The following CAMTA1 variants were observed in gnomAD, a reference collection of about 807,000 sequenced individuals.
The protein encoded by CAMTA1 is calmodulin-binding transcription activator 1.
In CAMTA1, 27 loss-of-function variants were observed where a neutral mutation model predicts 170.9. The ratio of observed to expected loss-of-function variants is 0.16; its 90% CI spans 0.12 to 0.22. The LOEUF (loss-of-function observed/expected upper bound fraction) is 0.22. Among genes scored for constraint, CAMTA1 ranks in the 10% least tolerant of loss-of-function variants. The pLI is 1.00. For missense variants in CAMTA1, 1,619 were observed against 2,217.2 expected (o/e 0.73, Z 5.42); for synonymous variants, 833 against 891.5 (o/e 0.93, Z 1.17).
chr1:7,400,149 G>C (rs1214762010), intron 5 of CAMTA1, among the ~76,000 whole-genome samples: 1 of 152,102 alleles, frequency 6.6e-6, no homozygotes, highest in Non-Finnish European at 1.5e-5. Flanking sequence ...AGTCCTATAA[G>C]CTTTGTTTAC....
chr1:7,626,376 G>C (rs1053239717), intron 6 of CAMTA1, among the ~76,000 whole-genome samples: 1 of 152,160 alleles, frequency 6.6e-6, no homozygotes, highest in African/African-American at 2.4e-5. Flanking sequence ...GCAGAGGAAG[G>C]GTGGCCCCAT....
chr1:7,482,845 G>A lies in CAMTA1; in HGVS notation c.510+14944G>A, dbSNP rs569123391. ...CAGAGGAGGTGGCATTGGGGTGCAGGCGTCTCCTGTGGAAAGTCCCCAGCT... is the reference window on the plus strand; with the variant it reads ...CAGAGGAGGTGGCATTGGGGTGCAGACGTCTCCTGTGGAAAGTCCCCAGCT... On this transcript the variant is annotated intron_variant, in intron 6 of 22. Transcript: ENST00000303635. This position sits in a 1 kb window ranked among gnomAD's most constrained non-coding sequence, Gnocchi z 4.2. 4.6e-5 allele frequency among the ~76,000 whole-genome samples: 7 copies of A among 152,276 alleles called. No individual in the cohort carries two copies. In the South Asian group the frequency reaches 1.5e-3, roughly 32 times the overall value.
intron 10 of CAMTA1, among the ~76,000 whole-genome samples, chr1:7,672,812 T>C (rs574620109): frequency 3.0e-4 from 46 of 152,122 alleles, no homozygotes; most frequent in Admixed American, 2.0e-3. Context: ...CAGCACCATC[T>C]TCCCCAAAAA....
At position 7,588,485 on chromosome 1, in the gene CAMTA1, C is replaced by T. The variant is rs1338581799; in HGVS notation, c.511-51915C>T. Among the ~76,000 whole-genome samples the T allele has an allele frequency of 6.6e-6, 1 of 152,246 alleles. No individual in the cohort carries two copies. Among genetic ancestry groups the T allele is most frequent in the Admixed American group, 6.5e-5 (1 of 15,290 alleles). On this transcript the variant is annotated intron_variant, in intron 6 of 22. Coordinates refer to ENST00000303635, the MANE Select transcript of CAMTA1 (RefSeq NM_015215.4). The surrounding 1 kb of genome is among the most constrained non-coding windows in gnomAD (Gnocchi z 5.8). ...TCAAAACCCTCACCATTGCCATCAC[C>T]ACCTCCATTTGACAGCTGAGCTGAA... is the stretch of plus-strand genomic sequence containing the variant.
chr1:7,241,037 A>G lies in CAMTA1; in HGVS notation c.303-8454A>G, dbSNP rs187590540. 1.1e-4 allele frequency among the ~76,000 whole-genome samples: 17 copies of G among 152,310 alleles called. No individual in the cohort carries two copies. In the East Asian group the frequency reaches 3.3e-3, roughly 29 times the overall value. ...ACAGGTGACTTAATTATATATGTAAACTATCCTAAAGAATCTACAAAAAAA... is the reference window on the plus strand; with the variant it reads ...ACAGGTGACTTAATTATATATGTAAGCTATCCTAAAGAATCTACAAAAAAA... On this transcript the variant is annotated intron_variant, in intron 4 of 22. Transcript: ENST00000303635.
chr1:7,725,834 A>G (rs1236134827), intron 11 of CAMTA1, among the ~76,000 whole-genome samples: 1 of 152,214 alleles, frequency 6.6e-6, no homozygotes, highest in Non-Finnish European at 1.5e-5. Flanking sequence ...TCTGGTCTAG[A>G]GGAATGGTCA....
intron 12 of CAMTA1, among the ~76,000 whole-genome samples, chr1:7,733,987 C>CGACA (rs2096752437): frequency 6.6e-6 from 1 of 152,080 alleles, no homozygotes; most frequent in African/African-American, 2.4e-5. Context: ...CTTGCTCTGT[C>CGACA]GCCCAGGTGC....
intron 3 of CAMTA1, among the ~76,000 whole-genome samples, chr1:6,931,501 G>A (rs1049527132): frequency 1.3e-5 from 2 of 152,104 alleles, no homozygotes; most frequent in East Asian, 1.9e-4. Flanking sequence ...AAAGAATCAC[G>A]CAGATGATAA....
At chr1:6,880,138 G>T (rs916227569) in intron 3 of CAMTA1, among the ~76,000 whole-genome samples, 2 of 151,650 alleles carry the variant, frequency 1.3e-5, no homozygotes, top group African/African-American at 2.4e-5. Context: ...CTGTTGTCCA[G>T]CCTGGAGTTC....
chr1:7,623,243 T>C (rs1188252263), intron 6 of CAMTA1, among the ~76,000 whole-genome samples: 1 of 152,164 alleles, frequency 6.6e-6, no homozygotes, highest in Non-Finnish European at 1.5e-5. Flanking sequence ...CCTGGTATCT[T>C]GTGGTTCTTG....
chr1:7,688,591 T>A (rs2096278373), intron 11 of CAMTA1, among the ~76,000 whole-genome samples: 1 of 152,078 alleles, frequency 6.6e-6, no homozygotes, highest in African/African-American at 2.4e-5. Context: ...AAGACACAAG[T>A]GCTGGTTGGG....
chr1:7,417,097 C>T (rs1475721535), intron 5 of CAMTA1, among the ~76,000 whole-genome samples: 2 of 130,120 alleles, frequency 1.5e-5, no homozygotes, highest in East Asian at 2.1e-4. Flanking sequence ...AGCAGATTTT[C>T]GTGAACCGCA....
chr1:7,470,783 G>A (rs558470577), intron 6 of CAMTA1, among the ~76,000 whole-genome samples: 4 of 152,336 alleles, frequency 2.6e-5, no homozygotes, highest in Admixed American at 1.3e-4. Flanking sequence ...GCCTCCTGCC[G>A]GCCCACTGTG....
chr1:7,548,678 A>T (rs1315164410), intron 6 of CAMTA1, among the ~76,000 whole-genome samples: 1 of 91,558 alleles, frequency 1.1e-5, no homozygotes, highest in African/African-American at 4.0e-5. Context: ...GGAGATGCCC[A>T]TGGAAGGTGC....
chr1:6,803,139 A>G (rs1351003645), intron 1 of CAMTA1, among the ~76,000 whole-genome samples: 1 of 152,208 alleles, frequency 6.6e-6, no homozygotes, highest in Non-Finnish European at 1.5e-5. Context: ...TCTCAGGTGG[A>G]ATCAGGCAGT....
chr1:6,934,590 A>G lies in CAMTA1; in HGVS notation c.234+109380A>G, dbSNP rs1170153267. ...CTGTGTGTTGCTGGCTGTGACAGGTACTGTGGAATCCTTGCCTTCCAGGGG... is the reference window on the plus strand; with the variant it reads ...CTGTGTGTTGCTGGCTGTGACAGGTGCTGTGGAATCCTTGCCTTCCAGGGG... On this transcript the variant is annotated intron_variant, in intron 3 of 22. Transcript: ENST00000303635. This position sits in a 1 kb window ranked among gnomAD's most constrained non-coding sequence, Gnocchi z 4.5. Among the ~76,000 whole-genome samples, 1 of 152,104 alleles carries G rather than the reference A, an allele frequency of 6.6e-6. No homozygotes were observed. The highest frequency in any genetic ancestry group is 6.5e-5 in the Admixed American group (1 of 15,274).
chr1:7,664,327 G>A lies in CAMTA1; in HGVS notation c.1780G>A (p.Asp594Asn). The A allele has an allele frequency of 6.2e-7, 1 of 1,613,462 alleles. No individual in the cohort carries two copies. Among genetic ancestry groups the A allele is most frequent in the Non-Finnish European group, 8.5e-7 (1 of 1,180,010 alleles). The change falls in exon 9 of 23, where the codon GAC (aspartate) becomes AAC (asparagine). Residue 594 changes from aspartate to asparagine, a missense_variant. Asp to Asn is a conservative substitution (Grantham distance 23). This residue lies in a region of CAMTA1 where 731 missense variants were observed against 907.6 expected (regional missense o/e 0.81). Transcript: ENST00000303635. ...MDFSAIDSNKDYTSSFSQTGH... is the reference protein window; with the variant it reads ...MDFSAIDSNKNYTSSFSQTGH... ...CTTCAGCGCCATCGACTCCAACAAG[G>A]ACTACACGTCCAGCTTCAGCCAGAC...
At position 7,299,058 on chromosome 1, in the gene CAMTA1, T is replaced by C. The variant is rs955679298; in HGVS notation, c.438+49432T>C. Among the ~76,000 whole-genome samples the C allele has an allele frequency of 6.6e-6, 1 of 152,198 alleles. No homozygotes were observed. Among genetic ancestry groups the C allele is most frequent in the African/African-American group, 2.4e-5 (1 of 41,446 alleles). ...GTTTGCATCTTGCCTCTCCACTGACTTGCTGTGTGACCTTAAGCAAGTACC... is the reference window on the plus strand; with the variant it reads ...GTTTGCATCTTGCCTCTCCACTGACCTGCTGTGTGACCTTAAGCAAGTACC... On this transcript the variant is annotated intron_variant, in intron 5 of 22. Coordinates refer to ENST00000303635, the MANE Select transcript of CAMTA1 (RefSeq NM_015215.4). This position sits in a 1 kb window ranked among gnomAD's most constrained non-coding sequence, Gnocchi z 4.7.
intron 3 of CAMTA1, among the ~76,000 whole-genome samples, chr1:6,882,166 A>G (rs1364447894): frequency 6.6e-6 from 1 of 152,210 alleles, no homozygotes; most frequent in Non-Finnish European, 1.5e-5. Context: ...TGAAAATTAT[A>G]TGAAATTCAA....
Sources: allele counts gnomAD v4.1 joint callset (sites outside exome capture counted in the v4.1 genomes callset), GRCh38; gene constraint gnomAD v4.1.1; regional missense constraint gnomAD v4.1.1; non-coding constraint Gnocchi (gnomAD v3.1); transcripts MANE v1.5; gene names NCBI Gene and HGNC (gene_info 2026-07-23, HGNC 2026-07-21).